Variants in HS3ST3B1 observed in about 807,000 individuals in gnomAD.
The protein encoded by HS3ST3B1 is heparan sulfate-glucosamine 3-sulfotransferase 3B1.
A neutral mutation model predicts 21.3 loss-of-function variants in HS3ST3B1; 13 were observed. The observed-to-expected ratio is 0.61, with a 90% CI of 0.40 to 0.97. HS3ST3B1 has a LOEUF of 0.97. HS3ST3B1 is among the 50% of genes least tolerant of loss of function. The probability of loss-of-function intolerance (pLI) is 0.00; values close to 1 mark genes in which losing one functional copy is unlikely to be tolerated. For synonymous variants in HS3ST3B1, 234 were observed against 254.8 expected (o/e 0.92, Z 0.78); for missense variants, 459 against 554.8 (o/e 0.83, Z 1.73).
Position 14,301,948 on chromosome 17 carries a change from G to C in HS3ST3B1, c.430G>C (p.Gly144Arg), listed in dbSNP as rs1232377049. The change falls in exon 1 of 2, where the codon GGC becomes CGC. Residue 144 changes from glycine to arginine, a missense_variant. Coordinates refer to ENST00000360954, the MANE Select transcript of HS3ST3B1 (RefSeq NM_006041.3). ...GCAGCTGCCGCAGGCCATCATCATCGGCGTGAAGAAGGGCGGCACGCGGGC... is the reference window on the plus strand; with the variant it reads ...GCAGCTGCCGCAGGCCATCATCATCCGCGTGAAGAAGGGCGGCACGCGGGC... ...SKQLPQAIII[G>R]VKKGGTRALL... 6.2e-7 allele frequency: 1 copy of C among 1,609,982 alleles called. No individual in the cohort carries two copies. Among genetic ancestry groups the C allele is most frequent in the Non-Finnish European group, 8.5e-7 (1 of 1,178,734 alleles).
intron 1 of HS3ST3B1, among the ~76,000 whole-genome samples, chr17:14,333,294 C>G (rs1295706422): frequency 6.6e-6 from 1 of 151,846 alleles, no homozygotes. Flanking sequence ...GGTGAAACCC[C>G]GTCTCCACTA....
At chr17:14,326,672 A>G (rs1909827354) in intron 1 of HS3ST3B1, among the ~76,000 whole-genome samples, 1 of 152,038 alleles carries the variant, frequency 6.6e-6, no homozygotes, top group African/African-American at 2.4e-5. Flanking sequence ...TAATCCCAGC[A>G]GTTTGGGAGG....
intron 1 of HS3ST3B1, among the ~76,000 whole-genome samples, chr17:14,325,887 C>T (rs1909797560): frequency 1.3e-5 from 2 of 152,146 alleles, no homozygotes; most frequent in Non-Finnish European, 1.5e-5. Context: ...GCATTTGTTC[C>T]TGCATTTGTT....
intron 1 of HS3ST3B1, among the ~76,000 whole-genome samples, chr17:14,315,119 TAG>T (rs1909455930): frequency 6.6e-6 from 1 of 152,164 alleles, no homozygotes; most frequent in Non-Finnish European, 1.5e-5. Flanking sequence ...TGGCAAATCT[TAG>T]GGTCAGCCTT....
chr17:14,317,559 A>T (rs1424434580), intron 1 of HS3ST3B1, among the ~76,000 whole-genome samples: 1 of 152,182 alleles, frequency 6.6e-6, no homozygotes, highest in Non-Finnish European at 1.5e-5. Context: ...TGAAGCACGG[A>T]TAGGAGCTTG....
rs1189589858 is a variant in HS3ST3B1, at chr17:14,349,312, T to A, written c.*3666T>A. ...ATTTTGTCCTATGTATAACACAAAT[T>A]AATTTTACACAGAGAAAGATGTTTC... On this transcript the variant is annotated 3_prime_UTR_variant, in exon 2 of 2. Coordinates refer to ENST00000360954, the MANE Select transcript of HS3ST3B1 (RefSeq NM_006041.3). 1 of 152,222 alleles carries A rather than the reference T, an allele frequency of 6.6e-6. No homozygotes were observed. The highest frequency in any genetic ancestry group is 1.5e-5 in the Non-Finnish European group (1 of 68,030). 9.4% of individuals were successfully genotyped at this position (152,222 alleles called of 1,614,324 possible). A position where few individuals can be genotyped will look rare whatever the true frequency, so the allele number is the denominator to read the frequency against.
intron 1 of HS3ST3B1, among the ~76,000 whole-genome samples, chr17:14,319,003 G>A (rs78397265): frequency 6.6e-6 from 1 of 152,274 alleles, no homozygotes; most frequent in East Asian, 1.9e-4. Context: ...GATGGGAAGT[G>A]CAAAAGCACA....
intron 1 of HS3ST3B1, among the ~76,000 whole-genome samples, chr17:14,323,642 G>A (rs1284456262): frequency 3.3e-5 from 5 of 152,002 alleles, no homozygotes; most frequent in Admixed American, 3.3e-4. Flanking sequence ...CTTCATATTG[G>A]GTGTGAGGAG....
chr17:14,336,900 C>CCAG, intron 1 of HS3ST3B1, among the ~76,000 whole-genome samples: 1 of 152,106 alleles, frequency 6.6e-6, no homozygotes, highest in East Asian at 1.9e-4. Flanking sequence ...TGGAGGCTGA[C>CCAG]AAGACCAAGA....
intron 1 of HS3ST3B1, among the ~76,000 whole-genome samples, chr17:14,309,355 C>A (rs1187158250): frequency 6.6e-6 from 1 of 152,186 alleles, no homozygotes; most frequent in Admixed American, 6.5e-5. Flanking sequence ...CTAGGCTGGC[C>A]GGGTAGTCCT....
At chr17:14,329,530 AGAAAG>A (rs1909935068) in intron 1 of HS3ST3B1, 2 of 151,502 alleles carry the variant, frequency 1.3e-5, no homozygotes, top group African/African-American at 2.4e-5. Flanking sequence ...AGAAAGAAAA[AGAAAG>A]GAAAAGAAGA....
At chr17:14,322,227 A>G (rs1222559624) in intron 1 of HS3ST3B1, among the ~76,000 whole-genome samples, 1 of 152,140 alleles carries the variant, frequency 6.6e-6, no homozygotes, top group African/African-American at 2.4e-5. Flanking sequence ...GATGAGCATG[A>G]GACTCAGAGT....
At chr17:14,344,693 G>A (rs964449786) in intron 1 of HS3ST3B1, among the ~76,000 whole-genome samples, 2 of 152,142 alleles carry the variant, frequency 1.3e-5, no homozygotes, top group African/African-American at 4.8e-5. Flanking sequence ...GAGGCCAAAG[G>A]CTTTTGTATT....
intron 1 of HS3ST3B1, among the ~76,000 whole-genome samples, chr17:14,324,550 C>T (rs1028538195): frequency 1.3e-5 from 2 of 152,172 alleles, no homozygotes; most frequent in African/African-American, 2.4e-5. Flanking sequence ...CCTTCTTTTA[C>T]ATCCCCACTG....
intron 1 of HS3ST3B1, chr17:14,304,643 C>T (rs1046633368): frequency 6.6e-6 from 1 of 152,242 alleles, no homozygotes; most frequent in Non-Finnish European, 1.5e-5. Context: ...CTCTGCCAAG[C>T]TTTGCTCCGT....
intron 1 of HS3ST3B1, among the ~76,000 whole-genome samples, chr17:14,320,497 T>A (rs1466871412): frequency 6.6e-6 from 1 of 152,160 alleles, no homozygotes; most frequent in Non-Finnish European, 1.5e-5. Context: ...AAGTAAGCCT[T>A]AACCTCATGA....
intron 1 of HS3ST3B1, 88 bp downstream of exon 1, chr17:14,302,160 G>A: frequency 6.9e-7 from 1 of 1,445,016 alleles, no homozygotes; most frequent in Non-Finnish European, 9.2e-7. Context: ...GAATTGGCAG[G>A]GTTACAGCTT....
intron 1 of HS3ST3B1, among the ~76,000 whole-genome samples, chr17:14,338,600 G>A (rs201560949): frequency 6.6e-6 from 1 of 151,444 alleles, no homozygotes; most frequent in Admixed American, 6.6e-5. Flanking sequence ...GTGCCACTGC[G>A]CCTGGCTAAT....
intron 1 of HS3ST3B1, among the ~76,000 whole-genome samples, chr17:14,324,201 A>G (rs1199084202): frequency 6.6e-6 from 1 of 152,094 alleles, no homozygotes; most frequent in East Asian, 1.9e-4. Context: ...TTTGTTTATA[A>G]CATTTCTTGG....
Sources: allele counts gnomAD v4.1 joint callset (sites outside exome capture counted in the v4.1 genomes callset), GRCh38; gene constraint gnomAD v4.1.1; transcripts MANE v1.5; gene names NCBI Gene and HGNC (gene_info 2026-07-23, HGNC 2026-07-21).